The following STARD13 variants were observed in gnomAD, a reference collection of about 807,000 sequenced individuals.
STARD13 encodes StAR related lipid transfer domain containing 13, also known as stAR-related lipid transfer protein 13.
STARD13 carries 62 observed loss-of-function variants against 106.4 expected under a neutral mutation model. That is an observed-to-expected ratio of 0.58 (90% confidence interval 0.48 to 0.72). STARD13 has a LOEUF of 0.72. Ranked by LOEUF, STARD13 falls within the 30% of genes least tolerant of loss-of-function variation. The probability of loss-of-function intolerance (pLI) is 0.00; values close to 1 mark genes in which losing one functional copy is unlikely to be tolerated. For synonymous variants in STARD13, 565 were observed against 553.0 expected (o/e 1.02, Z -0.31); for missense variants, 1,387 against 1,424.0 (o/e 0.97, Z 0.42).
the STARD13 span, among the ~76,000 whole-genome samples, chr13:33,375,404 A>T: frequency 2.6e-5 from 4 of 152,222 alleles, no homozygotes; most frequent in African/African-American, 9.6e-5. Flanking sequence ...GGTTAAGTTT[A>T]TGCCTGTCAT....
the STARD13 span, among the ~76,000 whole-genome samples, chr13:33,562,761 A>G: frequency 6.8e-6 from 1 of 146,718 alleles, no homozygotes; most frequent in Non-Finnish European, 1.5e-5. Context: ...AATATGCTAT[A>G]TAAAGTGTTA....
intron 8 of STARD13, chr13:33,117,436 T>C (rs531032241): frequency 4.5e-5 from 10 of 223,086 alleles, no homozygotes; most frequent in African/African-American, 2.3e-4. Context: ...AATACCCCCA[T>C]TGCAACCACT....
chr13:33,186,566 C>A (rs1885787435), intron 1 of STARD13, among the ~76,000 whole-genome samples: 1 of 152,136 alleles, frequency 6.6e-6, no homozygotes, highest in African/African-American at 2.4e-5. Context: ...CGAAAACTAT[C>A]CTCATTGTAT....
At chr13:33,152,249 C>T (rs1466545833) in intron 3 of STARD13, among the ~76,000 whole-genome samples, 1 of 152,164 alleles carries the variant, frequency 6.6e-6, no homozygotes, top group East Asian at 1.9e-4. Context: ...GAGTCGACAA[C>T]AACTAGCTGA....
chr13:33,395,466 A>T, the STARD13 span, among the ~76,000 whole-genome samples: 1 of 152,290 alleles, frequency 6.6e-6, no homozygotes, highest in African/African-American at 2.4e-5. Context: ...TAAATGATGC[A>T]CCATTGTTGT....
rs369801108 is a variant in STARD13 at position 33,167,531 on chromosome 13, G to A, written c.241+20C>T. On this transcript the variant is annotated intron_variant, in intron 2 of 13. Transcript: ENST00000336934. ...TTGGATTTATTCTCTGTGTAAGAGC[G>A]AAGCGAAGGGCTGACGTACCCTCAT... is the stretch of plus-strand genomic sequence containing the variant. 2.5e-5 allele frequency: 41 copies of A among 1,613,200 alleles called. No individual in the cohort carries two copies. The highest frequency in any genetic ancestry group is 3.3e-5 in the South Asian group (3 of 91,050).
chr13:33,267,392 A>G (rs919288963), intron 1 of STARD13, among the ~76,000 whole-genome samples: 1 of 152,146 alleles, frequency 6.6e-6, no homozygotes, highest in African/African-American at 2.4e-5. Flanking sequence ...AACAACAACA[A>G]CAACAACAAC....
the STARD13 span, among the ~76,000 whole-genome samples, chr13:33,645,885 C>T: frequency 6.6e-6 from 1 of 152,126 alleles, no homozygotes; most frequent in African/African-American, 2.4e-5. Flanking sequence ...AGCAATATCA[C>T]CAAGGGGATT....
At chr13:33,258,372 A>T (rs1457168113) in intron 1 of STARD13, among the ~76,000 whole-genome samples, 3 of 152,238 alleles carry the variant, frequency 2.0e-5, no homozygotes, top group Non-Finnish European at 2.9e-5. Flanking sequence ...GCAAAAAAGA[A>T]CAGGTTTCAA....
At chr13:33,122,563 T>C (rs488407) in intron 7 of STARD13, among the ~76,000 whole-genome samples, 45,892 of 151,978 alleles carry the variant, frequency 0.3, 8,042 homozygotes, top group Non-Finnish European at 0.41. Flanking sequence ...TGTCATCTAC[T>C]GTTAAAGCTC....
chr13:33,656,279 G>C, the STARD13 span, among the ~76,000 whole-genome samples: 1 of 152,126 alleles, frequency 6.6e-6, no homozygotes, highest in African/African-American at 2.4e-5. Flanking sequence ...TGGAAGAAAG[G>C]GAAAAGCGAT....
At chr13:33,446,140 TGAA>T in the STARD13 span, among the ~76,000 whole-genome samples, 277 of 152,348 alleles carry the variant, frequency 1.8e-3, no homozygotes, top group African/African-American at 5.9e-3. Flanking sequence ...TATCAGTTGA[TGAA>T]GAAGTAAAAT....
At chr13:33,517,604 G>T in the STARD13 span, among the ~76,000 whole-genome samples, 25 of 152,172 alleles carry the variant, frequency 1.6e-4, no homozygotes, top group East Asian at 4.4e-3. Flanking sequence ...GTGCATAAAG[G>T]TTCCTCTGAT....
At chr13:33,652,251 G>C in the STARD13 span, among the ~76,000 whole-genome samples, 1 of 152,172 alleles carries the variant, frequency 6.6e-6, no homozygotes, top group Non-Finnish European at 1.5e-5. Context: ...TCCCTCCTCA[G>C]CTTCAGCTCA....
chr13:33,583,980 C>G, the STARD13 span, among the ~76,000 whole-genome samples: 2 of 151,968 alleles, frequency 1.3e-5, no homozygotes, highest in Admixed American at 1.3e-4. Context: ...GGGCATATGC[C>G]CAGAAATGGA....
chr13:33,663,518 C>A, the STARD13 span, among the ~76,000 whole-genome samples: 1 of 151,932 alleles, frequency 6.6e-6, no homozygotes, highest in Non-Finnish European at 1.5e-5. Context: ...TAAGGAAACG[C>A]CTTTGTCATA....
intron 3 of STARD13, among the ~76,000 whole-genome samples, chr13:33,159,034 G>T (rs537163369): frequency 7.9e-5 from 12 of 152,158 alleles, no homozygotes; most frequent in Admixed American, 7.2e-4. Flanking sequence ...AGACATAGCT[G>T]CCATAAGAAT....
At chr13:33,643,809 C>G in the STARD13 span, among the ~76,000 whole-genome samples, 2 of 152,222 alleles carry the variant, frequency 1.3e-5, no homozygotes, top group East Asian at 1.9e-4. Flanking sequence ...TCAGACTACT[C>G]TCTTGCATCA....
At chr13:33,238,874 T>C (rs888032224) in intron 1 of STARD13, among the ~76,000 whole-genome samples, 1 of 152,108 alleles carries the variant, frequency 6.6e-6, no homozygotes, top group Admixed American at 6.5e-5. Flanking sequence ...AAATTTACCA[T>C]CTTAACCATT....
Sources: gnomAD v4.1 joint callset for allele counts (sites outside exome capture counted in the v4.1 genomes callset) on GRCh38, gnomAD v4.1.1 for gene constraint, MANE v1.5 for transcripts, NCBI Gene and HGNC (gene_info 2026-07-23, HGNC 2026-07-21) for gene names.